CTNNA2: variants seen among roughly 807,000 people sequenced by gnomAD.
The protein encoded by CTNNA2 is catenin alpha-2.
In CTNNA2, 42 loss-of-function variants were observed where a neutral mutation model predicts 101.0. That is an observed-to-expected ratio of 0.42 (90% confidence interval 0.32 to 0.54). CTNNA2 has a LOEUF of 0.54. CTNNA2 is among the 20% of genes least tolerant of loss of function. The pLI is 0.14. For synonymous variants in CTNNA2, 450 were observed against 456.4 expected, an observed-to-expected ratio of 0.99 and a Z score of 0.18; for missense variants, 871 against 1,223.1, an observed-to-expected ratio of 0.71 and a Z score of 4.29.
intron 7 of CTNNA2, among the ~76,000 whole-genome samples, chr2:80,333,706 A>G (rs920446913): frequency 1.3e-5 from 2 of 152,050 alleles, no homozygotes; most frequent in African/African-American, 4.8e-5. Flanking sequence ...GCTCCCTGCA[A>G]TCTCTGCCTC....
intron 3 of CTNNA2, among the ~76,000 whole-genome samples, chr2:79,364,208 A>C (rs1278317528): frequency 6.6e-6 from 1 of 152,206 alleles, no homozygotes; most frequent in African/African-American, 2.4e-5. Flanking sequence ...ATCCTCTGCC[A>C]AGAAAATTAG....
intron 9 of CTNNA2, among the ~76,000 whole-genome samples, chr2:80,457,954 G>C (rs1221331586): frequency 1.3e-5 from 2 of 152,106 alleles, no homozygotes; most frequent in African/African-American, 4.8e-5. Context: ...TGAAATTTTA[G>C]TTCATCGAAC....
chr2:80,208,591 G>T (rs1269887538), intron 7 of CTNNA2, among the ~76,000 whole-genome samples: 1 of 152,162 alleles, frequency 6.6e-6, no homozygotes, highest in Admixed American at 6.5e-5. Flanking sequence ...GGAGTGATCA[G>T]GCAGGCAGAA....
At chr2:79,819,997 G>A (rs552209874) in intron 3 of CTNNA2, among the ~76,000 whole-genome samples, 1 of 152,134 alleles carries the variant, frequency 6.6e-6, no homozygotes, top group African/African-American at 2.4e-5. Flanking sequence ...GTAACTGTAA[G>A]GAAAATCTTA....
At chr2:80,094,869 T>C (rs1700044105) in intron 7 of CTNNA2, among the ~76,000 whole-genome samples, 1 of 152,024 alleles carries the variant, frequency 6.6e-6, no homozygotes, top group Non-Finnish European at 1.5e-5. Context: ...ATCCTGAGAC[T>C]GCTGAAGTTG....
intron 4 of CTNNA2, among the ~76,000 whole-genome samples, chr2:79,439,330 T>G (rs1315266206): frequency 6.6e-6 from 1 of 152,206 alleles, no homozygotes; most frequent in Non-Finnish European, 1.5e-5. Context: ...GCTCCCATAT[T>G]GTATGATTTC....
At chr2:80,504,999 A>G (rs1172616876) in intron 9 of CTNNA2, among the ~76,000 whole-genome samples, 2 of 152,214 alleles carry the variant, frequency 1.3e-5, no homozygotes, top group African/African-American at 2.4e-5. Flanking sequence ...ACATACACCC[A>G]GCAGAGCACT....
chr2:79,259,773 G>C (rs1205186478), intron 2 of CTNNA2, among the ~76,000 whole-genome samples: 3 of 152,124 alleles, frequency 2.0e-5, no homozygotes, highest in Non-Finnish European at 4.4e-5. Context: ...GTGGTGGACT[G>C]AGAAGGAACA....
intron 2 of CTNNA2, among the ~76,000 whole-genome samples, chr2:79,273,788 G>T (rs892707567): frequency 1.3e-5 from 2 of 151,620 alleles, no homozygotes; most frequent in Non-Finnish European, 2.9e-5. Flanking sequence ...TTAAATGAGC[G>T]CTGACAGCAA....
intron 7 of CTNNA2, among the ~76,000 whole-genome samples, chr2:80,275,965 A>AT (rs1270285929): frequency 2.6e-5 from 4 of 151,730 alleles, no homozygotes; most frequent in Admixed American, 6.6e-5. Flanking sequence ...ATTTTTTTTT[A>AT]TTCCCATCAA....
intron 7 of CTNNA2, chr2:80,313,764 A>G (rs1372582401): frequency 1.3e-6 from 1 of 796,424 alleles, no homozygotes; most frequent in South Asian, 1.7e-5. Context: ...TATAATTCTG[A>G]TGACTCCCTT....
chr2:79,929,633 T>C (rs757734931), intron 7 of CTNNA2, among the ~76,000 whole-genome samples: 3 of 152,222 alleles, frequency 2.0e-5, no homozygotes, highest in Non-Finnish European at 2.9e-5. Context: ...TTCATAATTT[T>C]CTAGACATGC....
chr2:79,282,505 G>C (rs1675420804), intron 2 of CTNNA2, among the ~76,000 whole-genome samples: 1 of 151,720 alleles, frequency 6.6e-6, no homozygotes, highest in Non-Finnish European at 1.5e-5. Context: ...AGAATATGCG[G>C]TGTCTGGTTT....
intron 7 of CTNNA2, among the ~76,000 whole-genome samples, chr2:80,382,734 C>G (rs923833008): frequency 6.6e-6 from 1 of 152,192 alleles, no homozygotes; most frequent in Non-Finnish European, 1.5e-5. Flanking sequence ...TTTCTGATTT[C>G]TGTGAATTCT....
At position 79,872,461 on chromosome 2, in the gene CTNNA2, CTGTT is replaced by C. The variant is rs1682664906; in HGVS notation, c.586-1612_586-1609del. On this transcript the variant is annotated intron_variant, in intron 5 of 18. Transcript: ENST00000402739. The stretch of plus-strand genomic sequence containing the variant: ...CTGACATTAATAAAGGTTTTCATGA[CTGTT>C]TGGGAGAAACCTACCTCTCGTGCCC... Among the ~76,000 whole-genome samples the C allele has an allele frequency of 2.6e-5, 4 of 152,212 alleles. No individual in the cohort carries two copies. In the South Asian group the frequency reaches 8.3e-4, roughly 32 times the overall value.
intron 3 of CTNNA2, among the ~76,000 whole-genome samples, chr2:79,367,030 A>T (rs1677766543): frequency 6.6e-6 from 1 of 152,180 alleles, no homozygotes; most frequent in Non-Finnish European, 1.5e-5. Flanking sequence ...GTATTTGGAG[A>T]TGGAGCCTTT....
intron 7 of CTNNA2, among the ~76,000 whole-genome samples, chr2:80,123,184 G>A (rs1404498284): frequency 6.6e-6 from 1 of 152,168 alleles, no homozygotes; most frequent in African/African-American, 2.4e-5. Flanking sequence ...TTAGAAGCCA[G>A]TCGTTGGGCT....
At chr2:79,310,162 T>C (rs533018086) in intron 2 of CTNNA2, among the ~76,000 whole-genome samples, 1 of 152,274 alleles carries the variant, frequency 6.6e-6, no homozygotes, top group South Asian at 2.1e-4. Context: ...GAGTTTTATC[T>C]CTTATTTTCA....
intron 3 of CTNNA2, among the ~76,000 whole-genome samples, chr2:79,323,326 A>C (rs1676666716): frequency 6.6e-6 from 1 of 152,196 alleles, no homozygotes; most frequent in South Asian, 2.1e-4. Context: ...AAAGATGAGA[A>C]AAGTGCATGG....
Sources: gnomAD v4.1 joint callset for allele counts (sites outside exome capture counted in the v4.1 genomes callset) on GRCh38, gnomAD v4.1.1 for gene constraint, MANE v1.5 for transcripts, NCBI Gene and HGNC (gene_info 2026-07-23, HGNC 2026-07-21) for gene names.